Variants in EXTL1 observed in about 807,000 individuals in gnomAD.
EXTL1 encodes exostosin-like 1.
In EXTL1, 43 loss-of-function variants were observed where a neutral mutation model predicts 64.6. The observed-to-expected ratio is 0.67, with a 90% confidence interval of 0.52 to 0.86. The LOEUF (loss-of-function observed/expected upper bound fraction) is 0.86. EXTL1 is among the 40% of genes least tolerant of loss of function. The probability of loss-of-function intolerance (pLI) is 0.00; values close to 1 mark genes in which losing one functional copy is unlikely to be tolerated. For synonymous variants in EXTL1, 352 were observed against 360.5 expected, an observed-to-expected ratio of 0.98 and a Z score of 0.27; for missense variants, 766 against 879.0, an observed-to-expected ratio of 0.87 and a Z score of 1.62.
At position 26,034,730 on chromosome 1, in the gene EXTL1, G is replaced by A; in HGVS notation, c.1680-106G>A. On this transcript the variant is annotated intron_variant, in intron 9 of 10. Coordinates refer to ENST00000374280, the MANE Select transcript of EXTL1 (RefSeq NM_004455.3). The surrounding 1 kb of genome is among the most constrained non-coding windows in gnomAD (Gnocchi z 4.6). ...CTCTCTGAGGCAGCCAGGGCTCAGA[G>A]GCTTGGGGATGGGGGTCAAAGGGAG... 1 of 1,181,696 alleles carries A rather than the reference G, an allele frequency of 8.5e-7. No homozygotes were observed. The highest frequency in any genetic ancestry group is 1.2e-6 in the Non-Finnish European group (1 of 820,362). The allele number at this position is 1,181,696 out of a possible 1,614,324, so 73.2% of individuals were successfully genotyped here.
chr1:26,022,479 C>G lies in EXTL1; in HGVS notation c.-168C>G. 3.3e-6 allele frequency: 2 copies of G among 601,098 alleles called. No individual in the cohort carries two copies. The highest frequency in any genetic ancestry group is 5.9e-6 in the Non-Finnish European group (2 of 340,410). The allele number at this position is 601,098 out of a possible 1,614,324, so 37.2% of individuals were successfully genotyped here. Reference sequence around the variant, plus strand: ...GCCTGGCTGGTGACTCACTATCTGACCTTAGACAGGCGGCCTGGTCTCGAT... The same window carrying G: ...GCCTGGCTGGTGACTCACTATCTGAGCTTAGACAGGCGGCCTGGTCTCGAT... On this transcript the variant is annotated 5_prime_UTR_variant, in exon 1 of 11. Coordinates refer to ENST00000374280, the MANE Select transcript of EXTL1 (RefSeq NM_004455.3).
In EXTL1 at chr1:26,035,386, C is replaced by T. The variant is rs976098133; in HGVS notation, c.*39C>T. On this transcript the variant is annotated 3_prime_UTR_variant, in exon 11 of 11. Coordinates refer to ENST00000374280, the MANE Select transcript of EXTL1 (RefSeq NM_004455.3). This position sits in a 1 kb window ranked among gnomAD's most constrained non-coding sequence, Gnocchi z 5.3. Reference sequence around the variant, plus strand: ...GGAGACCCCAGCAGAGGTCGCAGCCCAGCTCCCAGGGGGCCCGGCGCCTGC... The same window carrying T: ...GGAGACCCCAGCAGAGGTCGCAGCCTAGCTCCCAGGGGGCCCGGCGCCTGC... The T allele has an allele frequency of 1.3e-6, 2 of 1,547,296 alleles. No individual in the cohort carries two copies. Among genetic ancestry groups the T allele is most frequent in the South Asian group, 1.2e-5 (1 of 86,088 alleles).
chr1:26,035,400 C>A lies in EXTL1; in HGVS notation c.*53C>A. 4 of 1,501,594 alleles carry A rather than the reference C, an allele frequency of 2.7e-6. No homozygotes were observed. In the South Asian group the frequency reaches 3.7e-5, roughly 14 times the overall value. The allele number at this position is 1,501,594 out of a possible 1,614,324, so 93.0% of individuals were successfully genotyped here. A position where few individuals can be genotyped will look rare whatever the true frequency, so the allele number is the denominator to read the frequency against. On this transcript the variant is annotated 3_prime_UTR_variant, in exon 11 of 11. Transcript: ENST00000374280. The surrounding 1 kb of genome is among the most constrained non-coding windows in gnomAD (Gnocchi z 5.3). ...AGGTCGCAGCCCAGCTCCCAGGGGG[C>A]CCGGCGCCTGCCGGCGGGCTCCGCT...
At chr1:26,023,570 GC>G in intron 1 of EXTL1, 145 bp downstream of exon 1, 1 of 847,008 alleles carries the variant, frequency 1.2e-6, no homozygotes, top group Non-Finnish European at 1.6e-6. Context: ...GCAGGAGGGA[GC>G]CAGGTTAGAT....
At chr1:26,032,105 A>G (rs2050293332) in intron 6 of EXTL1, 1 of 352,566 alleles carries the variant, frequency 2.8e-6, no homozygotes, top group Non-Finnish European at 5.1e-6. Context: ...AAAGATGAGG[A>G]TGGAGCATGG....
rs568278686 is a variant in EXTL1, at chr1:26,023,143, C to T, written c.497C>T (p.Pro166Leu). Reference sequence around the variant, plus strand: ...AACCATCTGGTCCTCCGTCTCCACCCGGCTCCCTGCCCCAGGACCTTCCAG... The same window carrying T: ...AACCATCTGGTCCTCCGTCTCCACCTGGCTCCCTGCCCCAGGACCTTCCAG... ...GRNHLVLRLH[P>L]APCPRTFQLG... is the part of the protein sequence containing the mutation. The change falls in exon 1 of 11, where the codon CCG (proline) becomes CTG (leucine). Residue 166 changes from proline to leucine, a missense_variant. Physicochemically the swap from Pro to Leu is moderately conservative, Grantham distance 98 (BLOSUM62 -3). Coordinates refer to ENST00000374280, the MANE Select transcript of EXTL1 (RefSeq NM_004455.3). The T allele has an allele frequency of 1.4e-5, 23 of 1,613,918 alleles. No homozygotes were observed. The highest frequency in any genetic ancestry group is 1.6e-4 in the Middle Eastern group (1 of 6,062).
Position 26,033,610 on chromosome 1 carries a change from A to AGAG in EXTL1, c.1519-85_1519-84insAGG. The stretch of plus-strand genomic sequence containing the variant: ...CCCCTGAGTCCTGCCCGGGCCCCTC[A>AGAG]GCCAGGCTGCCCCTGCCTCCATTTC... On this transcript the variant is annotated intron_variant, in intron 8 of 10. Coordinates refer to ENST00000374280, the MANE Select transcript of EXTL1 (RefSeq NM_004455.3). The surrounding 1 kb of genome is among the most constrained non-coding windows in gnomAD (Gnocchi z 5.1). The AGAG allele has an allele frequency of 1.4e-6, 2 of 1,450,548 alleles. No individual in the cohort carries two copies. Among genetic ancestry groups the AGAG allele is most frequent in the Non-Finnish European group, 1.9e-6 (2 of 1,051,138 alleles). 89.9% of individuals were successfully genotyped at this position (1,450,548 alleles called of 1,614,324 possible).
In EXTL1 at chr1:26,023,371, G is replaced by A. The variant is rs2050177459; in HGVS notation, c.725G>A (p.Gly242Asp). 6.8e-7 allele frequency: 1 copy of A among 1,466,702 alleles called. No homozygotes were observed. The highest frequency in any genetic ancestry group is 9.0e-7 in the Non-Finnish European group (1 of 1,106,204). The allele number at this position is 1,466,702 out of a possible 1,614,324, so 90.9% of individuals were successfully genotyped here. The change falls in exon 1 of 11, where the codon GGC (glycine) becomes GAC (aspartate). Residue 242 changes from glycine to aspartate, a missense_variant. By Grantham distance (94) the Gly-to-Asp change is moderately conservative. Transcript: ENST00000374280. ...ERGGWRTADT[G>D]SSACPWDGRC... ...GGTGGGTGGCGCACAGCAGACACTG[G>A]CTCCTCTGCCTGCCCCTGGGATGGG... is the stretch of plus-strand genomic sequence containing the variant.
At position 26,025,614 on chromosome 1, in the gene EXTL1, C is replaced by T. The variant is rs1251962786; in HGVS notation, c.779+2189C>T. Among the ~76,000 whole-genome samples the T allele has an allele frequency of 1.3e-5, 2 of 152,192 alleles. No individual in the cohort carries two copies. Among genetic ancestry groups the T allele is most frequent in the Non-Finnish European group, 2.9e-5 (2 of 68,030 alleles). On this transcript the variant is annotated intron_variant, in intron 1 of 10. Coordinates refer to ENST00000374280, the MANE Select transcript of EXTL1 (RefSeq NM_004455.3). The surrounding 1 kb of genome is among the most constrained non-coding windows in gnomAD (Gnocchi z 5.3). ...GGTCTCTTGTTGCTTTGGAATAAAT[C>T]TCCACCCATTCAAATTGTTATTTAT...
In EXTL1 at chr1:26,033,867, C is replaced by A. The variant is rs774957081; in HGVS notation, c.1679+11C>A. The A allele has an allele frequency of 6.2e-7, 1 of 1,607,022 alleles. No individual in the cohort carries two copies. The highest frequency in any genetic ancestry group is 2.2e-5 in the East Asian group (1 of 44,624). On this transcript the variant is annotated intron_variant, in intron 9 of 10. Transcript: ENST00000374280. The surrounding 1 kb of genome is among the most constrained non-coding windows in gnomAD (Gnocchi z 5.1). ...CGCCTTCTACCATAGGTACAGACCC[C>A]TACCCTGCACAGGGATCAGAGTATC...
chr1:26,023,455 A>AT, intron 1 of EXTL1, 30 bp downstream of exon 1: 4 of 1,424,602 alleles, frequency 2.8e-6, no homozygotes, highest in Non-Finnish European at 3.7e-6. Flanking sequence ...TGGGGGCTGG[A>AT]TGGGAGGGGG....
In EXTL1 at chr1:26,022,754, C is replaced by T. The variant is rs35744844; in HGVS notation, c.108C>T (p.Pro36=). Residue 36 remains proline (P), a synonymous_variant, in exon 1 of 11, where the codon CCC becomes CCT. Transcript: ENST00000374280. ...GFSLLRLALP[P]RPRPGASQGW... ...CCCTTCTCCGCCTGGCATTGCCTCCCAGACCTCGGCCCGGGGCTTCCCAAG... is the reference window on the plus strand; with the variant it reads ...CCCTTCTCCGCCTGGCATTGCCTCCTAGACCTCGGCCCGGGGCTTCCCAAG... The T allele has an allele frequency of 0.079, 127,804 of 1,613,966 alleles. 5,745 individuals are homozygous for T. The highest frequency in any genetic ancestry group is 0.097 in the Middle Eastern group (585 of 6,060).
In EXTL1 at chr1:26,033,986, C is replaced by A; in HGVS notation, c.1679+130C>A. On this transcript the variant is annotated intron_variant, in intron 9 of 10. Coordinates refer to ENST00000374280, the MANE Select transcript of EXTL1 (RefSeq NM_004455.3). This position sits in a 1 kb window ranked among gnomAD's most constrained non-coding sequence, Gnocchi z 5.1. ...AAGGCCGAGATCTGCCACTTCCCAG[C>A]TGTGGGATCCTGGGCAAATCTCCTC... 2.5e-6 allele frequency: 2 copies of A among 784,798 alleles called. No individual in the cohort carries two copies. Among genetic ancestry groups the A allele is most frequent in the South Asian group, 2.2e-5 (1 of 44,822 alleles). 48.6% of individuals were successfully genotyped at this position (784,798 alleles called of 1,614,324 possible).
At position 26,029,485 on chromosome 1, in the gene EXTL1, T is replaced by G. The variant is rs1233771527; in HGVS notation, c.874-115T>G. On this transcript the variant is annotated intron_variant, in intron 2 of 10. Transcript: ENST00000374280. The stretch of plus-strand genomic sequence containing the variant: ...CTCCCCTCCCTGAAAAATCCCATGT[T>G]CCTGTCCTCTTTGCCCCTTGCCCCC... The G allele has an allele frequency of 1.1e-5, 8 of 724,778 alleles. No individual in the cohort carries two copies. The East Asian group carries it at 2.2e-4, about 20-fold the overall frequency. 44.9% of individuals were successfully genotyped at this position (724,778 alleles called of 1,614,324 possible).
chr1:26,029,464 C>G (rs2124407805), intron 2 of EXTL1, 136 bp from the exon 3 acceptor site: 3 of 701,764 alleles, frequency 4.3e-6, no homozygotes, highest in Non-Finnish European at 7.6e-6. Context: ...CATAACCTCC[C>G]CTCCCTGAAA....
chr1:26,023,274 G>A lies in EXTL1; in HGVS notation c.628G>A (p.Gly210Arg). 1 of 1,581,150 alleles carries A rather than the reference G, an allele frequency of 6.3e-7. No homozygotes were observed. The highest frequency in any genetic ancestry group is 8.6e-7 in the Non-Finnish European group (1 of 1,159,936). Residue 210 changes from glycine (G) to arginine (R), a missense_variant, in exon 1 of 11, where the codon GGG (glycine) becomes AGG (arginine). Transcript: ENST00000374280. ...CCCTGAAGCCCACCCGTTGCGAGGT[G>A]GGGCTCCTGGCCAGCTGCGGCAACA... ...FLPEAHPLRG[G>R]APGQLRQHSP...
chr1:26,031,698 C>A, intron 6 of EXTL1, 132 bp downstream of exon 6: 1 of 493,544 alleles, frequency 2.0e-6, no homozygotes, highest in South Asian at 4.7e-5. Context: ...TCCAAGTGTT[C>A]TTGCTGCCTC....
rs1192256347 is a variant in EXTL1, at chr1:26,029,678, A to G, written c.952A>G (p.Ile318Val). The change falls in exon 3 of 11, where the codon ATC (isoleucine) becomes GTC (valine). Residue 318 changes from isoleucine (I) to valine (V), a missense_variant. This residue lies in a region of EXTL1 where 571 missense variants were observed against 647.6 expected (regional missense o/e 0.88). Coordinates refer to ENST00000374280, the MANE Select transcript of EXTL1 (RefSeq NM_004455.3). ...SEVIDWTKAA[I>V]VADERLPLQV... ...GGTCATCGACTGGACCAAGGCAGCC[A>G]TCGTAGCTGATGAGAGGCTCCCACT... 1.2e-6 allele frequency: 2 copies of G among 1,612,016 alleles called. No individual in the cohort carries two copies. Among genetic ancestry groups the G allele is most frequent in the East Asian group, 2.2e-5 (1 of 44,874 alleles).
chr1:26,033,237 T>A lies in EXTL1; in HGVS notation c.1440T>A (p.Asp480Glu). ...TCCCCCACTCCCTGCAGGTTAGTGA[T>A]CGCTTCTACCCATATAGCACCATCA... ...TVIDGHRKVS[D>E]RFYPYSTIRT... The change falls in exon 8 of 11, where the codon GAT becomes GAA. Residue 480 changes from aspartate to glutamate, a missense_variant. Asp to Glu is a conservative substitution (Grantham distance 45, BLOSUM62 2). Around this residue, in one of 3 missense-constraint regions of EXTL1, gnomAD observed 571 missense variants for 647.6 expected, o/e 0.88. Transcript: ENST00000374280. The surrounding 1 kb of genome is among the most constrained non-coding windows in gnomAD (Gnocchi z 5.1). The A allele has an allele frequency of 4.3e-6, 7 of 1,613,294 alleles. No individual in the cohort carries two copies. The highest frequency in any genetic ancestry group is 5.1e-6 in the Non-Finnish European group (6 of 1,179,272).
Sources: gnomAD v4.1 joint callset for allele counts (sites outside exome capture counted in the v4.1 genomes callset) on GRCh38, gnomAD v4.1.1 for gene constraint, gnomAD v4.1.1 regional missense constraint, Gnocchi (gnomAD v3.1) non-coding constraint, MANE v1.5 for transcripts, NCBI Gene and HGNC (gene_info 2026-07-23, HGNC 2026-07-21) for gene names.